GSE1: variants seen among roughly 807,000 people sequenced by gnomAD.
GSE1 encodes the protein genetic suppressor element 1.
GSE1 carries 32 observed loss-of-function variants against 112.6 expected under a neutral mutation model. The observed-to-expected ratio is 0.28, with a 90% CI of 0.21 to 0.38. GSE1 has a LOEUF of 0.38. Ranked by LOEUF, GSE1 falls within the 10% of genes least tolerant of loss-of-function variation. The pLI is 1.00. For synonymous variants in GSE1, 1,115 were observed against 735.6 expected, an observed-to-expected ratio of 1.52 and a Z score of -8.35; for missense variants, 2,348 against 1,699.2, an observed-to-expected ratio of 1.38 and a Z score of -6.71.
upstream of GSE1, chr16:85,611,439 C>A: frequency 1.0e-6 from 1 of 984,484 alleles, no homozygotes; most frequent in Non-Finnish European, 1.2e-6. Context: ...TAGCGTCCGG[C>A]CAAGGCCGCA....
chr16:85,415,492 G>T (rs1460823766), intron 2 of GSE1, among the ~76,000 whole-genome samples: 1 of 152,224 alleles, frequency 6.6e-6, no homozygotes, highest in Non-Finnish European at 1.5e-5. Context: ...GGCAAACCGG[G>T]TCCTCACCCT....
At chr16:85,575,869 A>G (rs2046207064) in intron 1 of GSE1, among the ~76,000 whole-genome samples, 1 of 138,492 alleles carries the variant, frequency 7.2e-6, no homozygotes, top group African/African-American at 2.6e-5. Flanking sequence ...AATTTTCATT[A>G]TATTTTGGCA....
At position 85,419,437 on chromosome 16, in the gene GSE1, A is replaced by ACCCTGTCT. The variant is rs1359357738; in HGVS notation, c.2464+61795_2464+61802dup. Among the ~76,000 whole-genome samples the ACCCTGTCT allele has an allele frequency of 1.3e-5, 2 of 151,792 alleles. No individual in the cohort carries two copies. Among genetic ancestry groups the ACCCTGTCT allele is most frequent in the Non-Finnish European group, 2.9e-5 (2 of 67,960 alleles). On this transcript the variant is annotated intron_variant, in intron 2 of 2. Transcript: ENST00000637419. This position sits in a 1 kb window ranked among gnomAD's most constrained non-coding sequence, Gnocchi z 6.5. ...AGACCAGCCTGAGCAACATAGTGAG[A>ACCCTGTCT]CCCTGTCTACGAACAAAAGTTAGCC...
chr16:85,222,866 A>G (rs2075417807), intron 1 of GSE1, among the ~76,000 whole-genome samples: 1 of 152,154 alleles, frequency 6.6e-6, no homozygotes, highest in Admixed American at 6.5e-5. Context: ...CTTCCTTCAT[A>G]CGGTGGCTTT....
chr16:85,642,173 A>G (rs1020230288), intron 2 of GSE1, among the ~76,000 whole-genome samples: 20 of 152,222 alleles, frequency 1.3e-4, no homozygotes, highest in African/African-American at 4.8e-4. Context: ...GGAGCTGAGC[A>G]TGATGCTGCA....
intron 2 of GSE1, among the ~76,000 whole-genome samples, chr16:85,375,775 T>A (rs1185085497): frequency 6.6e-6 from 1 of 152,182 alleles, no homozygotes; most frequent in Non-Finnish European, 1.5e-5. Flanking sequence ...GTAGCCACAC[T>A]GCCCGCCTCC....
At chr16:85,292,277 T>A (rs931223214) in intron 1 of GSE1, among the ~76,000 whole-genome samples, 4 of 151,576 alleles carry the variant, frequency 2.6e-5, no homozygotes, top group African/African-American at 9.7e-5. Flanking sequence ...TAGCGAGGAC[T>A]ACAGGTGCAC....
intron 1 of GSE1, among the ~76,000 whole-genome samples, chr16:85,560,047 A>G (rs1440390167): frequency 6.6e-6 from 1 of 151,114 alleles, no homozygotes; most frequent in Non-Finnish European, 1.5e-5. Context: ...AATAATAATA[A>G]TTCTTATTTT....
chr16:85,208,850 T>C (rs1433877860), intron 1 of GSE1, among the ~76,000 whole-genome samples: 5 of 100,450 alleles, frequency 5.0e-5, no homozygotes. Flanking sequence ...CGTTCGCCTG[T>C]GTTGGGGTTC....
At chr16:85,206,300 G>A (rs2075115275) in intron 1 of GSE1, among the ~76,000 whole-genome samples, 1 of 152,124 alleles carries the variant, frequency 6.6e-6, no homozygotes, top group Non-Finnish European at 1.5e-5. Flanking sequence ...GGAGACCCAG[G>A]CCATGATCTG....
At chr16:85,289,877 C>T (rs371712212) in intron 1 of GSE1, among the ~76,000 whole-genome samples, 22 of 152,228 alleles carry the variant, frequency 1.4e-4, no homozygotes, top group African/African-American at 5.1e-4. Context: ...AGAAAGAAGC[C>T]CCTGGTAGAG....
intron 1 of GSE1, among the ~76,000 whole-genome samples, chr16:85,621,185 G>T (rs1227568187): frequency 6.6e-6 from 1 of 151,794 alleles, no homozygotes; most frequent in Non-Finnish European, 1.5e-5. Flanking sequence ...TGCACTGTTG[G>T]GGAACCCGTG....
chr16:85,235,713 C>T (rs1008916440), intron 1 of GSE1, among the ~76,000 whole-genome samples: 4 of 151,850 alleles, frequency 2.6e-5, no homozygotes, highest in Non-Finnish European at 5.9e-5. Context: ...GTTCTGGCCC[C>T]TTCCCCTCTG....
chr16:85,205,973 G>A (rs2075107823), intron 1 of GSE1, among the ~76,000 whole-genome samples: 1 of 152,236 alleles, frequency 6.6e-6, no homozygotes, highest in Non-Finnish European at 1.5e-5. Flanking sequence ...TTCCAGTCTG[G>A]TGGGAGAGAC....
intron 1 of GSE1, among the ~76,000 whole-genome samples, chr16:85,601,865 G>C (rs1471871758): frequency 6.6e-6 from 1 of 152,330 alleles, no homozygotes; most frequent in African/African-American, 2.4e-5. Context: ...TCCTCTGTCT[G>C]CGTGCATCGC....
chr16:85,634,394 G>T (rs971188594), intron 2 of GSE1, among the ~76,000 whole-genome samples: 1 of 152,192 alleles, frequency 6.6e-6, no homozygotes, highest in African/African-American at 2.4e-5. Flanking sequence ...GTGTCCGGAT[G>T]TAGCGAGGTG....
At position 85,525,250 on chromosome 16, in the gene GSE1, TC is replaced by T. The variant is rs149862213; in HGVS notation, c.2465-108655del. On this transcript the variant is annotated intron_variant, in intron 2 of 2. Transcript: ENST00000637419. The stretch of plus-strand genomic sequence containing the variant: ...CAGCTGGGCTCCTCTGGCTCACTTG[TC>T]CCCCCCCCACTGATGGTGAGGTGAC... Among the ~76,000 whole-genome samples the T allele has an allele frequency of 5.9e-4, 88 of 150,350 alleles. 1 individual carries two copies. The highest frequency in any genetic ancestry group is 1.1e-3 in the Non-Finnish European group (74 of 67,496).
chr16:85,366,219 C>T (rs1028298547), intron 2 of GSE1, among the ~76,000 whole-genome samples: 2 of 152,276 alleles, frequency 1.3e-5, no homozygotes, highest in Non-Finnish European at 2.9e-5. Flanking sequence ...ACACCAGGCG[C>T]TCCCAGAGCT....
At chr16:85,590,093 C>T (rs903633579) in intron 1 of GSE1, among the ~76,000 whole-genome samples, 5 of 151,724 alleles carry the variant, frequency 3.3e-5, no homozygotes, top group South Asian at 2.1e-4. Flanking sequence ...GTGTGTGAGG[C>T]GTGTGATTGA....
Sources: gnomAD v4.1 joint callset for allele counts (sites outside exome capture counted in the v4.1 genomes callset) on GRCh38, gnomAD v4.1.1 for gene constraint, Gnocchi (gnomAD v3.1) non-coding constraint, MANE v1.5 for transcripts, NCBI Gene and HGNC (gene_info 2026-07-23, HGNC 2026-07-21) for gene names.